Variants in PPP4R3B observed in about 807,000 individuals in gnomAD.
PPP4R3B encodes the protein serine/threonine-protein phosphatase 4 regulatory subunit 3B.
PPP4R3B carries 52 observed loss-of-function variants against 95.4 expected under a neutral mutation model. That is an observed-to-expected ratio of 0.54 (90% CI 0.44 to 0.69). The LOEUF is 0.69. Among genes scored for constraint, PPP4R3B ranks in the 30% least tolerant of loss-of-function variants. The pLI is 0.00. For synonymous variants in PPP4R3B, 407 were observed against 343.9 expected (o/e 1.18, Z -2.03); for missense variants, 1,003 against 1,005.9 (o/e 1.00, Z 0.04).
chr2:55,615,275 A>C, intron 2 of PPP4R3B, 176 bp downstream of exon 2: 1 of 565,816 alleles, frequency 1.8e-6, no homozygotes, highest in Non-Finnish European at 3.1e-6. Context: ...GATAATTATC[A>C]CCAGTACAAA....
chr2:55,574,886 G>A (rs1047977838), intron 11 of PPP4R3B, among the ~76,000 whole-genome samples: 2 of 150,242 alleles, frequency 1.3e-5, no homozygotes, highest in East Asian at 3.9e-4. Flanking sequence ...AAGCCACTGC[G>A]CCCAGCCTGA....
At position 55,550,363 on chromosome 2, in the gene PPP4R3B, A is replaced by T. The variant is rs924627244; in HGVS notation, c.2455-357T>A. On this transcript the variant is annotated intron_variant, in intron 16 of 16. Transcript: ENST00000616407. ...TGGAGATGAACTGGTTCATTTCTCT[A>T]ATTTCATTACCACAAGAAAGCCCCT... is the stretch of plus-strand genomic sequence containing the variant. Among the ~76,000 whole-genome samples the T allele has an allele frequency of 5.3e-5, 8 of 152,190 alleles. 1 individual carries two copies. Among genetic ancestry groups the T allele is most frequent in the Non-Finnish European group, 1.2e-4 (8 of 68,024 alleles).
At chr2:55,608,817 C>T (rs1477774657) in intron 2 of PPP4R3B, among the ~76,000 whole-genome samples, 1 of 152,164 alleles carries the variant, frequency 6.6e-6, no homozygotes, top group Non-Finnish European at 1.5e-5. Flanking sequence ...GACCTCATCT[C>T]TACTAAACAT....
At chr2:55,568,411 AATT>A (rs770025107) in intron 12 of PPP4R3B, 48 bp from the exon 13 acceptor site, 2 of 1,453,362 alleles carry the variant, frequency 1.4e-6, no homozygotes, top group African/African-American at 1.4e-5. Context: ...TACTAAAATC[AATT>A]ATTATACAGG....
At chr2:55,584,017 A>T (rs890365629) in intron 7 of PPP4R3B, among the ~76,000 whole-genome samples, 1 of 152,084 alleles carries the variant, frequency 6.6e-6, no homozygotes, top group African/African-American at 2.4e-5. Context: ...ACCACCCTGA[A>T]CAACATGGTG....
At chr2:55,616,935 G>A (rs1336596014) in intron 1 of PPP4R3B, among the ~76,000 whole-genome samples, 1 of 152,004 alleles carries the variant, frequency 6.6e-6, no homozygotes, top group Non-Finnish European at 1.5e-5. Flanking sequence ...CAATCCTTAA[G>A]AGAGATGGGA....
chr2:55,596,789 C>G (rs916263474), intron 4 of PPP4R3B, among the ~76,000 whole-genome samples: 2 of 152,018 alleles, frequency 1.3e-5, no homozygotes, highest in Non-Finnish European at 2.9e-5. Flanking sequence ...ATGGTGAAAC[C>G]CTGTTTCTAC....
rs754782801 is a variant in PPP4R3B at position 55,617,154 on chromosome 2, T to C, written c.132A>G (p.Ala44=). The part of the protein sequence containing the change: ...ELKGMSLLVR[A]ESDGSLLLES... ...TTCCGATAACCTTACCGTCGGACTC[T>C]GCCCGAACCAGCAGCGACATCCCCT... The change falls in exon 1 of 17, where the codon GCA becomes GCG. Residue 44 remains alanine (A), a synonymous_variant. Coordinates refer to ENST00000616407, the MANE Select transcript of PPP4R3B (RefSeq NM_001122964.3). 1.2e-6 allele frequency: 2 copies of C among 1,612,204 alleles called. No individual in the cohort carries two copies. The highest frequency in any genetic ancestry group is 1.7e-6 in the Non-Finnish European group (2 of 1,179,370).
chr2:55,555,141 G>A (rs1016065156), intron 16 of PPP4R3B, among the ~76,000 whole-genome samples: 22 of 151,904 alleles, frequency 1.4e-4, no homozygotes, highest in South Asian at 6.2e-4. Flanking sequence ...TTAGCCAGGC[G>A]TGGTGGTGGG....
chr2:55,577,541 G>A (rs1688853166), intron 10 of PPP4R3B, among the ~76,000 whole-genome samples, 185 bp from the exon 11 acceptor site: 1 of 152,042 alleles, frequency 6.6e-6, no homozygotes, highest in South Asian at 2.1e-4. Flanking sequence ...AAAAGTGGAT[G>A]CAGATGTGGA....
intron 11 of PPP4R3B, among the ~76,000 whole-genome samples, chr2:55,575,141 C>T (rs1423713375): frequency 2.0e-5 from 3 of 151,522 alleles, no homozygotes; most frequent in Non-Finnish European, 4.4e-5. Flanking sequence ...GGGGTTTCAC[C>T]GTGTTAGCCA....
chr2:55,560,778 GAA>G (rs545517387), intron 15 of PPP4R3B, among the ~76,000 whole-genome samples: 257 of 91,276 alleles, frequency 2.8e-3, no homozygotes, highest in East Asian at 0.014. Flanking sequence ...CTCCATCTCA[GAA>G]AAAAAAAAAA....
chr2:55,579,631 T>C (rs200622570), intron 9 of PPP4R3B, 48 bp downstream of exon 9: 2 of 1,322,390 alleles, frequency 1.5e-6, no homozygotes, highest in African/African-American at 3.0e-5. Context: ...ATTTATCTCA[T>C]CCTTCTTTAA....
Position 55,604,022 on chromosome 2 carries a change from G to C in PPP4R3B, c.253C>G (p.Gln85Glu). ...ATCTCATCACAGCCAGCTTTCTCCT[G>C]AAAACTCAGAGCCAAATCATAGTTC... ...AENYDLALSF[Q>E]EKAGCDEIWE... The change falls in exon 3 of 17, where the codon CAG (glutamine) becomes GAG (glutamate). Residue 85 changes from glutamine (Q) to glutamate (E), a missense_variant. This residue lies in a region of PPP4R3B where 695 missense variants were observed against 686.2 expected (regional missense o/e 1.01). Coordinates refer to ENST00000616407, the MANE Select transcript of PPP4R3B (RefSeq NM_001122964.3). The C allele has an allele frequency of 6.2e-7, 1 of 1,610,546 alleles. No individual in the cohort carries two copies. Among genetic ancestry groups the C allele is most frequent in the Non-Finnish European group, 8.5e-7 (1 of 1,178,664 alleles).
rs747471268 is a variant in PPP4R3B at position 55,577,351 on chromosome 2, T to C, written c.1570A>G (p.Ile524Val). ...TPSSSISQDN[I>V]VGSNKNNTIC... is the part of the protein sequence containing the mutation. ...GTGTTGTTTTTGTTTGATCCAACTATATTATCTAATAAAAAAATTAAAAAT... is the reference window on the plus strand; with the variant it reads ...GTGTTGTTTTTGTTTGATCCAACTACATTATCTAATAAAAAAATTAAAAAT... Residue 524 changes from isoleucine (I) to valine (V), a missense_variant, in exon 11 of 17, where the codon ATA becomes GTA. This residue lies in a region of PPP4R3B where 695 missense variants were observed against 686.2 expected (regional missense o/e 1.01). Coordinates refer to ENST00000616407, the MANE Select transcript of PPP4R3B (RefSeq NM_001122964.3). 1 of 1,514,560 alleles carries C rather than the reference T, an allele frequency of 6.6e-7. No homozygotes were observed. Among genetic ancestry groups the C allele is most frequent in the East Asian group, 2.4e-5 (1 of 41,564 alleles). 93.8% of individuals were successfully genotyped at this position (1,514,560 alleles called of 1,614,324 possible).
At chr2:55,612,855 A>G (rs1350372679) in intron 2 of PPP4R3B, among the ~76,000 whole-genome samples, 1 of 152,022 alleles carries the variant, frequency 6.6e-6, no homozygotes, top group Non-Finnish European at 1.5e-5. Flanking sequence ...CTGAGGCAGG[A>G]GAATGGTGTG....
At chr2:55,602,731 A>T (rs1489334121) in intron 3 of PPP4R3B, among the ~76,000 whole-genome samples, 1 of 152,202 alleles carries the variant, frequency 6.6e-6, no homozygotes. Flanking sequence ...CTGGAAGCTC[A>T]AGCCTGAAAC....
chr2:55,570,978 A>G (rs1687923981), intron 12 of PPP4R3B, among the ~76,000 whole-genome samples: 1 of 152,216 alleles, frequency 6.6e-6, no homozygotes, highest in African/African-American at 2.4e-5. Flanking sequence ...AGCACTGCTT[A>G]TAATAATAGA....
chr2:55,586,764 T>A, intron 5 of PPP4R3B, 30 bp from the exon 6 acceptor site: 1 of 1,358,716 alleles, frequency 7.4e-7, no homozygotes, highest in Non-Finnish European at 1.0e-6. Context: ...AGTGAGACAT[T>A]GATAAACATA....
Sources: allele counts gnomAD v4.1 joint callset (sites outside exome capture counted in the v4.1 genomes callset), GRCh38; gene constraint gnomAD v4.1.1; regional missense constraint gnomAD v4.1.1; transcripts MANE v1.5; gene names NCBI Gene and HGNC (gene_info 2026-07-23, HGNC 2026-07-21).